FBXW4: variants seen among roughly 807,000 people sequenced by gnomAD.
FBXW4 encodes F-box/WD repeat-containing protein 4.
Under a neutral mutation model 61.8 loss-of-function variants are expected in FBXW4, and 40 were observed. That is an observed-to-expected ratio of 0.65 (90% CI 0.50 to 0.84). FBXW4 has a LOEUF of 0.84. FBXW4 is among the 40% of genes least tolerant of loss of function. The probability of loss-of-function intolerance (pLI) is 0.00; values close to 1 mark genes in which losing one functional copy is unlikely to be tolerated. For synonymous variants in FBXW4, 311 were observed against 313.8 expected (o/e 0.99, Z 0.10); for missense variants, 672 against 753.8 (o/e 0.89, Z 1.27).
intron 6 of FBXW4, among the ~76,000 whole-genome samples, chr10:101,623,488 G>A (rs1322785639): frequency 1.3e-5 from 2 of 152,144 alleles, no homozygotes; most frequent in Non-Finnish European, 2.9e-5. Flanking sequence ...CATTGGTGGT[G>A]GGAATGTAAA....
At chr10:101,631,706 C>A (rs2063958863) in intron 5 of FBXW4, among the ~76,000 whole-genome samples, 1 of 151,516 alleles carries the variant, frequency 6.6e-6, no homozygotes, top group African/African-American at 2.4e-5. Flanking sequence ...CGGCTCACTG[C>A]AACTTCCGTC....
chr10:101,626,952 A>G (rs1279837637), intron 5 of FBXW4: 1 of 149,672 alleles, frequency 6.7e-6, no homozygotes, highest in African/African-American at 2.5e-5. Context: ...CTTCCCAGGG[A>G]CTCCTATCCT....
chr10:101,677,263 A>G (rs2064422736), intron 1 of FBXW4, among the ~76,000 whole-genome samples: 1 of 152,216 alleles, frequency 6.6e-6, no homozygotes, highest in Non-Finnish European at 1.5e-5. Context: ...AAAGTGGTAA[A>G]CAGCCCAGGC....
At chr10:101,646,489 G>A (rs2064098143) in intron 5 of FBXW4, among the ~76,000 whole-genome samples, 1 of 152,244 alleles carries the variant, frequency 6.6e-6, no homozygotes, top group Admixed American at 6.5e-5. Flanking sequence ...AGATCCCTGG[G>A]CTCCAGAAAG....
intron 5 of FBXW4, among the ~76,000 whole-genome samples, chr10:101,648,813 G>T (rs770656903): frequency 6.6e-6 from 1 of 152,158 alleles, no homozygotes; most frequent in Admixed American, 6.5e-5. Flanking sequence ...CAGGTTTTCT[G>T]ATCAGTATTG....
intron 5 of FBXW4, among the ~76,000 whole-genome samples, chr10:101,646,467 G>A (rs2134852783): frequency 6.6e-6 from 1 of 152,332 alleles, no homozygotes; most frequent in East Asian, 1.9e-4. Flanking sequence ...AGGCACAGGT[G>A]GTTCTCAGAG....
At chr10:101,688,869 C>T (rs1280604701) in intron 1 of FBXW4, among the ~76,000 whole-genome samples, 2 of 152,024 alleles carry the variant, frequency 1.3e-5, no homozygotes, top group Non-Finnish European at 2.9e-5. Flanking sequence ...TCTTAATTTT[C>T]AAATATTTTT....
At chr10:101,666,047 A>G (rs1426374161) in intron 5 of FBXW4, among the ~76,000 whole-genome samples, 1 of 152,168 alleles carries the variant, frequency 6.6e-6, no homozygotes, top group African/African-American at 2.4e-5. Flanking sequence ...CTTTCCTTCT[A>G]TTCAGCCCAC....
At chr10:101,644,457 A>G (rs2064079678) in intron 5 of FBXW4, among the ~76,000 whole-genome samples, 1 of 152,234 alleles carries the variant, frequency 6.6e-6, no homozygotes, top group African/African-American at 2.4e-5. Flanking sequence ...TTAGCACCAC[A>G]GCCCTGCATT....
At chr10:101,678,650 G>A (rs1174061682) in intron 1 of FBXW4, among the ~76,000 whole-genome samples, 2 of 151,992 alleles carry the variant, frequency 1.3e-5, no homozygotes, top group Non-Finnish European at 1.5e-5. Context: ...GGATGGTCTC[G>A]ATCTCCTGAC....
intron 5 of FBXW4, among the ~76,000 whole-genome samples, chr10:101,627,432 T>C (rs1349891163): frequency 6.6e-6 from 1 of 152,120 alleles, no homozygotes; most frequent in African/African-American, 2.4e-5. Context: ...ACCCAAACCA[T>C]GGGGCCTGCC....
chr10:101,640,425 G>A (rs1040155003), intron 5 of FBXW4, among the ~76,000 whole-genome samples: 4 of 151,460 alleles, frequency 2.6e-5, no homozygotes, highest in African/African-American at 4.8e-5. Context: ...TTCTAATGGG[G>A]CAGAGTTTGG....
intron 1 of FBXW4, among the ~76,000 whole-genome samples, chr10:101,682,352 A>C (rs1589781292): frequency 6.6e-6 from 1 of 152,246 alleles, no homozygotes. Flanking sequence ...CACCTACACT[A>C]CCAGACTACT....
chr10:101,619,477 T>C (rs903901867), intron 6 of FBXW4, among the ~76,000 whole-genome samples: 10 of 151,922 alleles, frequency 6.6e-5, no homozygotes, highest in Non-Finnish European at 1.3e-4. Context: ...GCTAAGACGG[T>C]GTAAACCCTG....
intron 5 of FBXW4, among the ~76,000 whole-genome samples, chr10:101,649,409 C>T (rs1402589891): frequency 3.9e-5 from 6 of 152,050 alleles, no homozygotes. Context: ...CTGTTTCTCT[C>T]AGGCTTTTTA....
chr10:101,654,119 T>TAA lies in FBXW4; in HGVS notation c.1235+13765_1235+13766dup, dbSNP rs60568785. ...CCGGCGACAGAGCGAGACTCCGTCT[T>TAA]AAAAAAAAAAAAAAAAAAAATCCAA... On this transcript the variant is annotated intron_variant, in intron 5 of 8. Coordinates refer to ENST00000331272, the MANE Select transcript of FBXW4 (RefSeq NM_022039.4). Among the ~76,000 whole-genome samples, 445 of 118,292 alleles carry TAA rather than the reference T, an allele frequency of 3.8e-3. 10 individuals are homozygous for TAA. Among genetic ancestry groups the TAA allele is most frequent in the African/African-American group, 0.013 (395 of 31,320 alleles). 77.6% of individuals were successfully genotyped at this position (118,292 alleles called of 152,430 possible).
chr10:101,638,823 C>T (rs2064026262), intron 5 of FBXW4, among the ~76,000 whole-genome samples: 1 of 152,134 alleles, frequency 6.6e-6, no homozygotes, highest in Non-Finnish European at 1.5e-5. Context: ...GTGGTGAAAG[C>T]CTGGGAACAG....
intron 4 of FBXW4, among the ~76,000 whole-genome samples, chr10:101,669,232 ACAC>A (rs1302664070): frequency 6.6e-6 from 1 of 152,114 alleles, no homozygotes; most frequent in East Asian, 1.9e-4. Flanking sequence ...ACAAAGGTAA[ACAC>A]CACAACTTTT....
intron 6 of FBXW4, among the ~76,000 whole-genome samples, chr10:101,617,917 C>A (rs2063838439): frequency 6.6e-6 from 1 of 152,196 alleles, no homozygotes; most frequent in Non-Finnish European, 1.5e-5. Context: ...AAAAAGCTAT[C>A]AGTAATGCTT....
Sources: allele counts gnomAD v4.1 joint callset (sites outside exome capture counted in the v4.1 genomes callset), GRCh38; gene constraint gnomAD v4.1.1; transcripts MANE v1.5; gene names NCBI Gene and HGNC (gene_info 2026-07-23, HGNC 2026-07-21).